STRN: variants seen among roughly 807,000 people sequenced by gnomAD.
STRN encodes the protein striatin.
A neutral mutation model predicts 96.3 loss-of-function variants in STRN; 53 were observed. The ratio of observed to expected loss-of-function variants is 0.55; its 90% CI spans 0.44 to 0.69. The LOEUF (loss-of-function observed/expected upper bound fraction) is 0.69. STRN is among the 30% of genes least tolerant of loss of function. The pLI is 0.00. For missense variants in STRN, 987 were observed against 963.9 expected (o/e 1.02, Z -0.32); for synonymous variants, 428 against 355.9 (o/e 1.20, Z -2.28).
chr2:36,917,027 C>T (rs994911434), intron 2 of STRN, among the ~76,000 whole-genome samples: 42 of 139,512 alleles, frequency 3.0e-4, no homozygotes, highest in Admixed American at 2.7e-3. Flanking sequence ...CTGTGAGAAA[C>T]ACCCAAGAAT....
At chr2:36,893,780 A>C in intron 7 of STRN, 118 bp downstream of exon 7, 1 of 1,271,504 alleles carries the variant, frequency 7.9e-7, no homozygotes, top group Non-Finnish European at 1.1e-6. Context: ...GCTAGTAGTA[A>C]TAAGTTCACA....
chr2:36,867,960 GA>G, intron 11 of STRN, 99 bp from the exon 12 acceptor site: 1 of 867,398 alleles, frequency 1.2e-6, no homozygotes, highest in Non-Finnish European at 1.7e-6. Flanking sequence ...AACATTATGG[GA>G]ATATACCATT....
At chr2:36,906,697 G>T (rs1023799918) in intron 3 of STRN, among the ~76,000 whole-genome samples, 1 of 151,450 alleles carries the variant, frequency 6.6e-6, no homozygotes, top group Non-Finnish European at 1.5e-5. Context: ...AGGCCGAAGC[G>T]GGTGGATCAC....
At position 36,902,676 on chromosome 2, in the gene STRN, A is replaced by G. The variant is rs139842278; in HGVS notation, c.567T>C (p.Phe189=). 26 of 1,612,096 alleles carry G rather than the reference A, an allele frequency of 1.6e-5. No individual in the cohort carries two copies. The highest frequency in any genetic ancestry group is 2.1e-5 in the Non-Finnish European group (25 of 1,178,686). ...KSKRVRALLG[F]SSDVTDREDD... is the part of the protein sequence containing the mutation. ...CTTCCCTGTCCGTGACATCACTTGA[A>G]AAGCCCAACAAAGCTCGCACTCGTT... Residue 189 remains phenylalanine, a synonymous_variant, in exon 5 of 18, where the codon TTT becomes TTC. Transcript: ENST00000263918.
intron 6 of STRN, among the ~76,000 whole-genome samples, chr2:36,896,291 A>C (rs1396536920): frequency 1.3e-5 from 2 of 152,252 alleles, no homozygotes; most frequent in Non-Finnish European, 2.9e-5. Context: ...AACCTTACAA[A>C]GAATAAAGAT....
In STRN at chr2:36,920,861, G is replaced by C. The variant is rs543029258; in HGVS notation, c.338+4244C>G. ...GGAGGCCAAGGCGGGCGGATCACAA[G>C]GTCAAGGGATCGAGACCATCCTGGC... is the stretch of plus-strand genomic sequence containing the variant. On this transcript the variant is annotated intron_variant, in intron 2 of 17. Coordinates refer to ENST00000263918, the MANE Select transcript of STRN (RefSeq NM_003162.4). Among the ~76,000 whole-genome samples, 23 of 152,048 alleles carry C rather than the reference G, an allele frequency of 1.5e-4. No homozygotes were observed. The South Asian group carries it at 4.0e-3, about 26-fold the overall frequency.
intron 5 of STRN, among the ~76,000 whole-genome samples, chr2:36,900,073 G>A (rs1054019923): frequency 6.6e-6 from 1 of 152,084 alleles, no homozygotes; most frequent in East Asian, 1.9e-4. Flanking sequence ...ATTTTCAGTA[G>A]AGATGGGGTT....
At chr2:36,956,291 T>A (rs919331660) in intron 1 of STRN, among the ~76,000 whole-genome samples, 1 of 152,180 alleles carries the variant, frequency 6.6e-6, no homozygotes, top group African/African-American at 2.4e-5. Flanking sequence ...ATATTTTGCA[T>A]ATTTATCTTT....
At chr2:36,941,722 T>TC (rs972401649) in intron 1 of STRN, among the ~76,000 whole-genome samples, 3 of 151,370 alleles carry the variant, frequency 2.0e-5, no homozygotes, top group Non-Finnish European at 4.4e-5. Flanking sequence ...GCTAATTTTT[T>TC]TTTTTTTTTT....
At chr2:36,882,523 T>C (rs888634078) in intron 9 of STRN, among the ~76,000 whole-genome samples, 4 of 152,254 alleles carry the variant, frequency 2.6e-5, no homozygotes, top group Admixed American at 6.5e-5. Context: ...TCCCAGCACT[T>C]TGGGAGGCCG....
Position 36,839,511 on chromosome 2 carries a change from A to T in STRN, c.*9945T>A, listed in dbSNP as rs1667896951. 6.6e-6 allele frequency among the ~76,000 whole-genome samples: 1 copy of T among 152,220 alleles called. No homozygotes were observed. The highest frequency in any genetic ancestry group is 6.5e-5 in the Admixed American group (1 of 15,284). On this transcript the variant is annotated 3_prime_UTR_variant, in exon 18 of 18. Transcript: ENST00000263918. ...ACCAGAAGTCTGTATTCAGAGAGTG[A>T]ACAAGTCATTTGCTGGATGCTTATT...
chr2:36,838,571 G>A lies in STRN; in HGVS notation c.*10885C>T, dbSNP rs937348417. Among the ~76,000 whole-genome samples, 1 of 152,006 alleles carries A rather than the reference G, an allele frequency of 6.6e-6. No individual in the cohort carries two copies. The highest frequency in any genetic ancestry group is 2.4e-5 in the African/African-American group (1 of 41,368). Reference sequence around the variant, plus strand: ...CTACGTATTTTTTAATGTTACAATAGTTATTGCCATGAGTATTAAGGGAAA... The same window carrying A: ...CTACGTATTTTTTAATGTTACAATAATTATTGCCATGAGTATTAAGGGAAA... On this transcript the variant is annotated 3_prime_UTR_variant, in exon 18 of 18. Transcript: ENST00000263918.
At chr2:36,870,792 C>A (rs1403884682) in intron 10 of STRN, among the ~76,000 whole-genome samples, 1 of 152,050 alleles carries the variant, frequency 6.6e-6, no homozygotes, top group Non-Finnish European at 1.5e-5. Flanking sequence ...TGTAAAACAG[C>A]TTTAGACAGG....
chr2:36,924,579 A>C (rs1670360924), intron 2 of STRN, among the ~76,000 whole-genome samples: 1 of 152,160 alleles, frequency 6.6e-6, no homozygotes, highest in Non-Finnish European at 1.5e-5. Context: ...TAGGAAAAAA[A>C]TGTTGCTAAT....
chr2:36,886,686 T>C (rs771837166), intron 8 of STRN, 30 bp downstream of exon 8: 2 of 1,548,798 alleles, frequency 1.3e-6, no homozygotes, highest in East Asian at 2.3e-5. Context: ...GCAAGATTTA[T>C]GATTTACAGA....
chr2:36,942,626 CA>C (rs1670873741), intron 1 of STRN, among the ~76,000 whole-genome samples: 1 of 152,202 alleles, frequency 6.6e-6, no homozygotes. Context: ...GACCAATTGA[CA>C]ATACCACGAA....
chr2:36,884,386 T>C (rs1669156207), intron 8 of STRN, among the ~76,000 whole-genome samples: 2 of 152,204 alleles, frequency 1.3e-5, no homozygotes, highest in Admixed American at 1.3e-4. Flanking sequence ...TGCAGCCAGA[T>C]ACAGATTGTG....
intron 14 of STRN, among the ~76,000 whole-genome samples, chr2:36,855,600 T>C (rs757016146): frequency 1.3e-5 from 2 of 152,220 alleles, no homozygotes; most frequent in African/African-American, 2.4e-5. Context: ...ATTCATGGAA[T>C]GCAAGCCTTT....
chr2:36,867,838 G>A lies in STRN; in HGVS notation c.1523C>T (p.Pro508Leu). Residue 508 changes from proline (P) to leucine (L), a missense_variant, in exon 12 of 18, where the codon CCT becomes CTT. By Grantham distance (98) the Pro-to-Leu change is moderately conservative (BLOSUM62 -3). Coordinates refer to ENST00000263918, the MANE Select transcript of STRN (RefSeq NM_003162.4). ...AKKSTSLDVE[P>L]IYTFRAHKGP... The stretch of plus-strand genomic sequence containing the variant: ...CTTATGGGCTCTGAATGTATAGATA[G>A]GTTCTACATCAAGAGAAGTGCTCCT... The A allele has an allele frequency of 1.9e-6, 3 of 1,592,344 alleles. No individual in the cohort carries two copies. The highest frequency in any genetic ancestry group is 1.4e-5 in the African/African-American group (1 of 73,872).
Sources: allele counts gnomAD v4.1 joint callset (sites outside exome capture counted in the v4.1 genomes callset), GRCh38; gene constraint gnomAD v4.1.1; transcripts MANE v1.5; gene names NCBI Gene and HGNC (gene_info 2026-07-23, HGNC 2026-07-21).